The following CTNNA3 variants were observed in gnomAD, a reference collection of about 807,000 sequenced individuals.
The protein encoded by CTNNA3 is catenin alpha 3.
A neutral mutation model predicts 95.7 loss-of-function variants in CTNNA3; 76 were observed. That is an observed-to-expected ratio of 0.79 (90% CI 0.66 to 0.96). The LOEUF is 0.96. Ranked by LOEUF, CTNNA3 falls within the 40% of genes least tolerant of loss-of-function variation. The pLI, the probability that CTNNA3 is intolerant of heterozygous loss-of-function variation, is 0.00. For synonymous variants in CTNNA3, 431 were observed against 374.4 expected, an observed-to-expected ratio of 1.15 and a Z score of -1.74; for missense variants, 1,191 against 1,089.8, an observed-to-expected ratio of 1.09 and a Z score of -1.31.
intron 5 of CTNNA3, among the ~76,000 whole-genome samples, chr10:67,367,950 G>A (rs1490266285): frequency 6.6e-6 from 1 of 152,038 alleles, no homozygotes; most frequent in Non-Finnish European, 1.5e-5. Context: ...TCAGTATGTG[G>A]GTGATAGGTT....
intron 9 of CTNNA3, among the ~76,000 whole-genome samples, chr10:66,735,740 G>C (rs989890738): frequency 1.3e-5 from 2 of 151,920 alleles, no homozygotes; most frequent in Non-Finnish European, 2.9e-5. Flanking sequence ...AATTGAAGAG[G>C]ATATTATAGA....
intron 7 of CTNNA3, among the ~76,000 whole-genome samples, chr10:67,004,280 T>C (rs1851848221): frequency 6.6e-6 from 1 of 152,204 alleles, no homozygotes. Flanking sequence ...ATAAAATTTC[T>C]TCCTGTCTTT....
intron 17 of CTNNA3, among the ~76,000 whole-genome samples, chr10:65,948,088 T>C (rs1201571575): frequency 1.3e-5 from 2 of 152,048 alleles, no homozygotes; most frequent in East Asian, 1.9e-4. Flanking sequence ...TCATCCTGGC[T>C]AACACGGTGA....
chr10:66,285,281 C>T (rs1397737716), intron 12 of CTNNA3, among the ~76,000 whole-genome samples: 2 of 151,706 alleles, frequency 1.3e-5, no homozygotes, highest in East Asian at 3.9e-4. Flanking sequence ...TTATGTTTTC[C>T]CCCTCTGGCA....
chr10:66,870,717 A>T (rs1417813711), intron 7 of CTNNA3, among the ~76,000 whole-genome samples: 1 of 152,042 alleles, frequency 6.6e-6, no homozygotes, highest in East Asian at 1.9e-4. Context: ...CTGATGCCTA[A>T]CTCCCACTCA....
chr10:67,115,818 G>T (rs1471423594), intron 7 of CTNNA3, among the ~76,000 whole-genome samples: 2 of 151,764 alleles, frequency 1.3e-5, no homozygotes, highest in African/African-American at 4.8e-5. Flanking sequence ...GGTCAGAGCT[G>T]ATCTTTAGTT....
At chr10:67,487,341 TC>T (rs138433972) in intron 5 of CTNNA3, among the ~76,000 whole-genome samples, 1,597 of 152,252 alleles carry the variant, frequency 0.01, 33 homozygotes, top group African/African-American at 0.036. Flanking sequence ...TAGGATCACC[TC>T]CTGTGTGTTG....
In CTNNA3 at chr10:67,264,018, TA is replaced by T. The variant is rs201968855; in HGVS notation, c.580-44149del. On this transcript the variant is annotated intron_variant, in intron 5 of 17. Coordinates refer to ENST00000433211, the MANE Select transcript of CTNNA3 (RefSeq NM_013266.4). ...GTGTGTATCTGAAAGAAAGTTTCTT[TA>T]AAAAAAAAAGGGTAACATTTGAACT... Among the ~76,000 whole-genome samples, 939 of 147,664 alleles carry T rather than the reference TA, an allele frequency of 6.4e-3. 9 individuals are homozygous for T. Among genetic ancestry groups the T allele is most frequent in the African/African-American group, 0.018 (745 of 40,366 alleles).
chr10:66,069,202 C>A (rs989352003), intron 15 of CTNNA3, 106 bp downstream of exon 15: 28 of 1,061,180 alleles, frequency 2.6e-5, no homozygotes, highest in Non-Finnish European at 3.9e-5. Flanking sequence ...TTTTCCCCTA[C>A]CACCTGATTT....
chr10:67,284,210 G>A (rs1252811558), intron 5 of CTNNA3, among the ~76,000 whole-genome samples: 2 of 152,138 alleles, frequency 1.3e-5, no homozygotes, highest in Non-Finnish European at 2.9e-5. Flanking sequence ...CCAGAGTTCT[G>A]AAAAAGTTAT....
At chr10:66,906,127 A>T (rs1290459668) in intron 7 of CTNNA3, among the ~76,000 whole-genome samples, 2 of 152,226 alleles carry the variant, frequency 1.3e-5, no homozygotes, top group Non-Finnish European at 2.9e-5. Flanking sequence ...CTACTAAAGC[A>T]TTAGATGAAT....
intron 11 of CTNNA3, among the ~76,000 whole-genome samples, chr10:66,396,533 AAAACC>A (rs1282420542): frequency 6.6e-6 from 1 of 152,064 alleles, no homozygotes; most frequent in Non-Finnish European, 1.5e-5. Context: ...GACATGTATT[AAAACC>A]TTGTAAATGA....
chr10:66,506,505 G>T (rs1203108814), intron 11 of CTNNA3, among the ~76,000 whole-genome samples: 3 of 152,104 alleles, frequency 2.0e-5, no homozygotes, highest in Non-Finnish European at 4.4e-5. Flanking sequence ...TAATCCAGCT[G>T]AACAGCTGTT....
chr10:66,095,807 G>A (rs955516750), intron 14 of CTNNA3, among the ~76,000 whole-genome samples: 1 of 152,068 alleles, frequency 6.6e-6, no homozygotes. Context: ...CTAGGCAACT[G>A]TTCTTATTTC....
chr10:66,206,821 C>T (rs1441617361), intron 13 of CTNNA3, among the ~76,000 whole-genome samples: 1 of 151,818 alleles, frequency 6.6e-6, no homozygotes, highest in Non-Finnish European at 1.5e-5. Flanking sequence ...CTTTTGTAAG[C>T]TTTAAGGGGT....
At chr10:66,827,377 G>A (rs1477531565) in intron 7 of CTNNA3, among the ~76,000 whole-genome samples, 2 of 152,076 alleles carry the variant, frequency 1.3e-5, no homozygotes, top group Non-Finnish European at 2.9e-5. Context: ...CTCATGCCCT[G>A]CACAATCTCT....
chr10:66,666,439 AT>A (rs1846453295), intron 9 of CTNNA3, among the ~76,000 whole-genome samples: 1 of 152,190 alleles, frequency 6.6e-6, no homozygotes, highest in East Asian at 1.9e-4. Flanking sequence ...AACTTATAAT[AT>A]TTAGCTAAAA....
chr10:66,702,448 C>A (rs565481635), intron 9 of CTNNA3, among the ~76,000 whole-genome samples: 2 of 152,042 alleles, frequency 1.3e-5, no homozygotes, highest in African/African-American at 4.8e-5. Context: ...TCTTAGAAGT[C>A]TCCCTTTGGG....
chr10:67,539,166 T>C (rs1840580229), intron 4 of CTNNA3, among the ~76,000 whole-genome samples: 1 of 152,162 alleles, frequency 6.6e-6, no homozygotes, highest in Non-Finnish European at 1.5e-5. Flanking sequence ...AAGTTATTTA[T>C]ACTCATATGT....
Sources: gnomAD v4.1 joint callset for allele counts (sites outside exome capture counted in the v4.1 genomes callset) on GRCh38, gnomAD v4.1.1 for gene constraint, MANE v1.5 for transcripts, NCBI Gene and HGNC (gene_info 2026-07-23, HGNC 2026-07-21) for gene names.